Variants in CSMD1 observed in about 807,000 individuals in gnomAD.
CSMD1 encodes CUB and Sushi multiple domains 1, also known as CUB and sushi domain-containing protein 1.
CSMD1 carries 213 observed loss-of-function variants against 417.5 expected under a neutral mutation model. The ratio of observed to expected loss-of-function variants is 0.51; its 90% CI spans 0.46 to 0.57. The LOEUF is 0.57. Among genes scored for constraint, CSMD1 ranks in the 20% least tolerant of loss-of-function variants. CSMD1 has a pLI of 0.00. For missense variants in CSMD1, 6,923 were observed against 4,529.7 expected (o/e 1.53, Z -15.17); for synonymous variants, 2,862 against 1,736.8 (o/e 1.65, Z -16.11).
At chr8:4,912,988 C>A (rs1360694755) in intron 1 of CSMD1, among the ~76,000 whole-genome samples, 1 of 152,116 alleles carries the variant, frequency 6.6e-6, no homozygotes, top group Admixed American at 6.5e-5. Flanking sequence ...GGGGTTTTAC[C>A]GTGTTGGCCA....
At chr8:3,001,937 A>C (rs1446940847) in intron 52 of CSMD1, among the ~76,000 whole-genome samples, 1 of 151,130 alleles carries the variant, frequency 6.6e-6, no homozygotes, top group African/African-American at 2.5e-5. Context: ...CTTAAAACAA[A>C]GTTTAGAAAC....
chr8:4,246,945 T>C (rs986531484), intron 3 of CSMD1, among the ~76,000 whole-genome samples: 7 of 152,188 alleles, frequency 4.6e-5, no homozygotes, highest in Non-Finnish European at 7.3e-5. Flanking sequence ...GTAGATAATA[T>C]TGAAAACTAT....
At chr8:3,064,161 G>A (rs1812767996) in intron 49 of CSMD1, among the ~76,000 whole-genome samples, 1 of 152,160 alleles carries the variant, frequency 6.6e-6, no homozygotes, top group South Asian at 2.1e-4. Flanking sequence ...TCAACAAAAT[G>A]AACTTTCAAG....
At position 3,283,103 on chromosome 8, in the gene CSMD1, C is replaced by A. The variant is rs368348082; in HGVS notation, c.4153+1041G>T. ...ACTATCTTTAGGAGATTATAGTTCA[C>A]GTGTGCAGATGTGGTTTCACACTAG... On this transcript the variant is annotated intron_variant, in intron 26 of 69. Coordinates refer to ENST00000635120, the MANE Select transcript of CSMD1 (RefSeq NM_033225.6). Among the ~76,000 whole-genome samples, 5 of 152,122 alleles carry A rather than the reference C, an allele frequency of 3.3e-5. No homozygotes were observed. The East Asian group carries it at 5.8e-4, about 18-fold the overall frequency.
At chr8:3,455,486 T>C (rs1482392496) in intron 12 of CSMD1, among the ~76,000 whole-genome samples, 1 of 152,166 alleles carries the variant, frequency 6.6e-6, no homozygotes, top group Non-Finnish European at 1.5e-5. Context: ...ACAGATGGGG[T>C]TTTGGTGTGG....
chr8:3,169,935 C>T (rs1820473774), intron 37 of CSMD1, among the ~76,000 whole-genome samples: 1 of 152,142 alleles, frequency 6.6e-6, no homozygotes, highest in South Asian at 2.1e-4. Context: ...TCCTCCTCTC[C>T]CCTCTCTCCC....
chr8:4,059,100 C>G (rs1251347879), intron 3 of CSMD1, among the ~76,000 whole-genome samples: 7 of 152,160 alleles, frequency 4.6e-5, no homozygotes, highest in Non-Finnish European at 8.8e-5. Flanking sequence ...GTCTCTCAGA[C>G]CACAGTGCAA....
intron 5 of CSMD1, among the ~76,000 whole-genome samples, chr8:3,914,396 G>A (rs1263829215): frequency 6.6e-6 from 1 of 152,104 alleles, no homozygotes; most frequent in African/African-American, 2.4e-5. Flanking sequence ...TACAGATAAA[G>A]ATGTTTGGTG....
chr8:4,277,591 C>G lies in CSMD1; in HGVS notation c.415+142362G>C, dbSNP rs190963280. Among the ~76,000 whole-genome samples the G allele has an allele frequency of 2.0e-4, 31 of 152,202 alleles. 1 individual carries two copies. The highest frequency in any genetic ancestry group is 2.1e-4 in the Non-Finnish European group (14 of 68,020). On this transcript the variant is annotated intron_variant, in intron 3 of 69. Transcript: ENST00000635120. ...TGCATGTCTATACTCATGAAAACAGCAAGTTCACTATGAGGTGTCTCATAC... is the reference window on the plus strand; with the variant it reads ...TGCATGTCTATACTCATGAAAACAGGAAGTTCACTATGAGGTGTCTCATAC...
chr8:4,208,362 GA>G (rs1207842808), intron 3 of CSMD1, among the ~76,000 whole-genome samples: 7 of 152,128 alleles, frequency 4.6e-5, no homozygotes, highest in Non-Finnish European at 1.0e-4. Flanking sequence ...GAGTAAGAGG[GA>G]AGCATTTCCC....
At chr8:3,415,871 A>C (rs1002594758) in intron 12 of CSMD1, among the ~76,000 whole-genome samples, 17 of 152,202 alleles carry the variant, frequency 1.1e-4, no homozygotes, top group African/African-American at 4.1e-4. Context: ...CATATCCCCA[A>C]GTTTTCATGA....
chr8:4,437,621 C>G (rs1044263192), intron 2 of CSMD1, among the ~76,000 whole-genome samples: 3 of 152,160 alleles, frequency 2.0e-5, no homozygotes, highest in Non-Finnish European at 4.4e-5. Flanking sequence ...CTCTGTTCAC[C>G]AAGCCTTTCC....
intron 1 of CSMD1, among the ~76,000 whole-genome samples, chr8:4,732,619 C>T (rs1809976902): frequency 6.6e-6 from 1 of 152,148 alleles, no homozygotes; most frequent in Admixed American, 6.5e-5. Context: ...GCAGAAGACA[C>T]TAAATCAAGG....
Position 3,342,899 on chromosome 8 carries a change from A to ATG in CSMD1, c.3631+393_3631+394dup, listed in dbSNP as rs57528661. 1.3e-4 allele frequency among the ~76,000 whole-genome samples: 19 copies of ATG among 142,996 alleles called. No individual in the cohort carries two copies. In the South Asian group the frequency reaches 3.4e-3, roughly 25 times the overall value. 93.8% of individuals were successfully genotyped at this position (142,996 alleles called of 152,430 possible). On this transcript the variant is annotated intron_variant, in intron 23 of 69. Coordinates refer to ENST00000635120, the MANE Select transcript of CSMD1 (RefSeq NM_033225.6). ...ATTAAATGTATAAATATATGTGTGTATGTGTGTGTGTGTGTGTCATTCAAA... is the reference window on the plus strand; with the variant it reads ...ATTAAATGTATAAATATATGTGTGTATGTGTGTGTGTGTGTGTGTCATTCAAA...
intron 3 of CSMD1, among the ~76,000 whole-genome samples, chr8:4,407,233 C>G (rs943422543): frequency 5.3e-5 from 8 of 152,128 alleles, no homozygotes; most frequent in Non-Finnish European, 1.5e-5. Flanking sequence ...TTCTATGCCA[C>G]AGGATGTCAA....
chr8:4,150,073 A>G (rs1464258963), intron 3 of CSMD1, among the ~76,000 whole-genome samples: 1 of 152,222 alleles, frequency 6.6e-6, no homozygotes. Context: ...AAGTTAATGT[A>G]AGTAAAATGA....
intron 3 of CSMD1, among the ~76,000 whole-genome samples, chr8:4,389,046 G>A: frequency 6.6e-6 from 1 of 152,112 alleles, no homozygotes; most frequent in East Asian, 1.9e-4. Context: ...AGTTAGTCTG[G>A]TCTTATTTTA....
intron 3 of CSMD1, among the ~76,000 whole-genome samples, chr8:4,195,632 G>A (rs1799291193): frequency 1.3e-5 from 2 of 152,166 alleles, no homozygotes; most frequent in African/African-American, 4.8e-5. Flanking sequence ...ATCTTGCCTG[G>A]ATGGAGTTAT....
intron 3 of CSMD1, among the ~76,000 whole-genome samples, chr8:4,062,007 G>C (rs989548040): frequency 1.3e-5 from 2 of 152,082 alleles, no homozygotes; most frequent in Non-Finnish European, 2.9e-5. Flanking sequence ...AGAGGTCAAG[G>C]TGTAGTGGGG....
Sources: allele counts gnomAD v4.1 joint callset (sites outside exome capture counted in the v4.1 genomes callset), GRCh38; gene constraint gnomAD v4.1.1; transcripts MANE v1.5; gene names NCBI Gene and HGNC (gene_info 2026-07-23, HGNC 2026-07-21).